SV2C: variants seen among roughly 807,000 people sequenced by gnomAD.
SV2C encodes the protein synaptic vesicle glycoprotein 2C, also known as solute carrier family 22 member B3.
Under a neutral mutation model 79.7 loss-of-function variants are expected in SV2C, and 49 were observed. That is an observed-to-expected ratio of 0.61 (90% confidence interval 0.49 to 0.78). SV2C has a LOEUF of 0.78. Among genes scored for constraint, SV2C ranks in the 30% least tolerant of loss-of-function variants. The pLI, the probability that SV2C is intolerant of heterozygous loss-of-function variation, is 0.00. For missense variants in SV2C, 833 were observed against 912.9 expected (o/e 0.91, Z 1.13); for synonymous variants, 334 against 333.2 (o/e 1.00, Z -0.03).
At chr5:76,094,827 T>C (rs1747497200) in intron 1 of SV2C, among the ~76,000 whole-genome samples, 1 of 152,186 alleles carries the variant, frequency 6.6e-6, no homozygotes, top group South Asian at 2.1e-4. Flanking sequence ...GTTCTTTGTG[T>C]ATTTTGGATA....
chr5:76,294,705 A>G (rs1580038812), intron 8 of SV2C, among the ~76,000 whole-genome samples: 1 of 152,168 alleles, frequency 6.6e-6, no homozygotes. Flanking sequence ...CTCAGTTTGA[A>G]CCAGCCACAT....
chr5:76,272,142 A>G (rs534608621), intron 4 of SV2C, among the ~76,000 whole-genome samples: 1 of 152,352 alleles, frequency 6.6e-6, no homozygotes, highest in South Asian at 2.1e-4. Flanking sequence ...GAGGTCAACA[A>G]GTTAGCAGAG....
intron 1 of SV2C, among the ~76,000 whole-genome samples, chr5:76,086,269 T>G (rs1365197663): frequency 6.6e-6 from 1 of 152,228 alleles, no homozygotes; most frequent in Non-Finnish European, 1.5e-5. Context: ...ATATATCACG[T>G]GACGACAAGT....
the SV2C span, among the ~76,000 whole-genome samples, chr5:75,903,709 G>A: frequency 3.3e-5 from 5 of 152,196 alleles, no homozygotes; most frequent in Middle Eastern, 3.4e-3. Context: ...AGCTCATGTC[G>A]ACCTTCTCCA....
chr5:75,986,589 C>T, the SV2C span, among the ~76,000 whole-genome samples: 1 of 152,058 alleles, frequency 6.6e-6, no homozygotes, highest in Non-Finnish European at 1.5e-5. Flanking sequence ...TAATTTGTTA[C>T]AGCAGCAATA....
chr5:75,855,947 CCA>C, the SV2C span, among the ~76,000 whole-genome samples: 1 of 152,152 alleles, frequency 6.6e-6, no homozygotes, highest in East Asian at 1.9e-4. Flanking sequence ...CTCCCCCTCC[CCA>C]CTACGCTTCC....
At chr5:75,899,826 T>G in the SV2C span, among the ~76,000 whole-genome samples, 2 of 152,128 alleles carry the variant, frequency 1.3e-5, no homozygotes, top group African/African-American at 4.8e-5. Context: ...TGTAATGGCC[T>G]TCTTTGTCTC....
chr5:75,968,825 C>T, the SV2C span, among the ~76,000 whole-genome samples: 1 of 152,156 alleles, frequency 6.6e-6, no homozygotes, highest in Non-Finnish European at 1.5e-5. Flanking sequence ...ATATAGAGAA[C>T]ACCACAAAGA....
the SV2C span, chr5:75,920,925 T>C: frequency 2.7e-6 from 2 of 735,236 alleles, no homozygotes; most frequent in South Asian, 2.9e-5. Flanking sequence ...GTCTCGTGGA[T>C]CCTGGCAAAG....
At chr5:76,057,998 G>T in the SV2C span, among the ~76,000 whole-genome samples, 1,528 of 152,210 alleles carry the variant, frequency 0.01, 26 homozygotes, top group African/African-American at 0.035. Flanking sequence ...CTTTATTTTA[G>T]AGGGAACTTT....
the SV2C span, among the ~76,000 whole-genome samples, chr5:75,936,115 T>C: frequency 0.031 from 4,700 of 152,256 alleles, 237 homozygotes; most frequent in African/African-American, 0.11. Context: ...TTAAGGGAGT[T>C]TATTGAAAGG....
At chr5:76,196,529 G>A (rs1174503943) in intron 3 of SV2C, among the ~76,000 whole-genome samples, 1 of 152,176 alleles carries the variant, frequency 6.6e-6, no homozygotes, top group Admixed American at 6.5e-5. Flanking sequence ...AGACCTAAAT[G>A]TTGAATGATT....
chr5:76,240,118 A>G (rs1390995078), intron 4 of SV2C, among the ~76,000 whole-genome samples: 1 of 152,210 alleles, frequency 6.6e-6, no homozygotes, highest in Non-Finnish European at 1.5e-5. Flanking sequence ...AGCAAAAGAG[A>G]AGAATCTAAT....
chr5:76,199,878 T>A (rs2088918), intron 3 of SV2C, among the ~76,000 whole-genome samples: 187 of 152,334 alleles, frequency 1.2e-3, no homozygotes, highest in African/African-American at 4.3e-3. Context: ...CAGAACCAAC[T>A]GAATGAAGGG....
the SV2C span, among the ~76,000 whole-genome samples, chr5:75,953,474 C>T: frequency 8.6e-5 from 13 of 151,956 alleles, no homozygotes; most frequent in Admixed American, 2.6e-4. Flanking sequence ...CCTCACCATA[C>T]GTAGTAGATG....
chr5:76,191,971 A>C (rs1744117731), intron 2 of SV2C, among the ~76,000 whole-genome samples: 2 of 152,206 alleles, frequency 1.3e-5, no homozygotes, highest in African/African-American at 4.8e-5. Flanking sequence ...GGCAGGTCCC[A>C]GGGGAGGTGA....
chr5:76,305,683 C>T (rs1042286470), intron 12 of SV2C, among the ~76,000 whole-genome samples: 2 of 152,192 alleles, frequency 1.3e-5, no homozygotes, highest in Non-Finnish European at 2.9e-5. Flanking sequence ...GATGTACTTA[C>T]TGAATAGCAC....
At position 76,122,583 on chromosome 5, in the gene SV2C, T is replaced by C. The variant is rs1748551419; in HGVS notation, c.-101-9067T>C. Among the ~76,000 whole-genome samples the C allele has an allele frequency of 1.3e-5, 2 of 152,038 alleles. 1 individual carries two copies. Among genetic ancestry groups the C allele is most frequent in the South Asian group, 4.1e-4 (2 of 4,822 alleles). ...TTATAAGAAACTCACTCAAAACTGC[T>C]CAACTACATGGAAACTGAACAACCT... On this transcript the variant is annotated intron_variant, in intron 1 of 12. Coordinates refer to ENST00000502798, the MANE Select transcript of SV2C (RefSeq NM_014979.4).
chr5:75,878,593 C>T, the SV2C span, among the ~76,000 whole-genome samples: 1 of 152,102 alleles, frequency 6.6e-6, no homozygotes, highest in African/African-American at 2.4e-5. Flanking sequence ...AGCTCATACC[C>T]TTTACCCAAT....
Sources: gnomAD v4.1 joint callset for allele counts (sites outside exome capture counted in the v4.1 genomes callset) on GRCh38, gnomAD v4.1.1 for gene constraint, MANE v1.5 for transcripts, NCBI Gene and HGNC (gene_info 2026-07-23, HGNC 2026-07-21) for gene names.